The following HCK variants were observed in gnomAD, a reference collection of about 807,000 sequenced individuals.
The protein encoded by HCK is HCK proto-oncogene, Src family tyrosine kinase.
Under a neutral mutation model 70.4 loss-of-function variants are expected in HCK, and 40 were observed. The observed-to-expected ratio is 0.57, with a 90% CI of 0.44 to 0.74. The LOEUF is 0.74. Among genes scored for constraint, HCK ranks in the 30% least tolerant of loss-of-function variants. The probability of loss-of-function intolerance (pLI) is 0.00; values close to 1 mark genes in which losing one functional copy is unlikely to be tolerated. For synonymous variants in HCK, 245 were observed against 263.2 expected (o/e 0.93, Z 0.67); for missense variants, 568 against 697.2 (o/e 0.81, Z 2.09).
At chr20:32,073,236 T>C in intron 2 of HCK, 83 bp from the exon 3 acceptor site, 1 of 1,160,324 alleles carries the variant, frequency 8.6e-7, no homozygotes, top group Non-Finnish European at 1.3e-6. Context: ...AAGATGCTCT[T>C]GGGTGTCCTT....
At chr20:32,087,687 G>A (rs1431658727) in intron 9 of HCK, among the ~76,000 whole-genome samples, 2 of 151,868 alleles carry the variant, frequency 1.3e-5, no homozygotes, top group Non-Finnish European at 2.9e-5. Flanking sequence ...TGTTTCCCAG[G>A]CTGGAGTGCA....
chr20:32,087,110 G>A (rs1905666265), intron 9 of HCK, among the ~76,000 whole-genome samples: 1 of 152,178 alleles, frequency 6.6e-6, no homozygotes, highest in South Asian at 2.1e-4. Context: ...AGCCTTAGAG[G>A]CCAGGGTGTG....
At chr20:32,082,057 G>T (rs2045715542) in intron 6 of HCK, among the ~76,000 whole-genome samples, 1 of 152,132 alleles carries the variant, frequency 6.6e-6, no homozygotes, top group African/African-American at 2.4e-5. Flanking sequence ...TGGCTGAGAG[G>T]GGCTCTGGAG....
At chr20:32,094,794 A>AAAGAAAGAGAGAGAAAGAG (rs1569010522) in intron 11 of HCK, among the ~76,000 whole-genome samples, 40 of 14,810 alleles carry the variant, frequency 2.7e-3, no homozygotes, top group African/African-American at 4.9e-3. Context: ...AAAGAGAAAG[A>AAAGAAAGAGAGAGAAAGAG]AAGAAAGAAA....
chr20:32,070,623 T>A (rs2045522622), intron 1 of HCK, among the ~76,000 whole-genome samples: 1 of 152,176 alleles, frequency 6.6e-6, no homozygotes, highest in East Asian at 1.9e-4. Flanking sequence ...GCCAGACCTG[T>A]TGTTCCCCAC....
intron 5 of HCK, among the ~76,000 whole-genome samples, 166 bp downstream of exon 5, chr20:32,074,887 A>C (rs947495233): frequency 6.6e-6 from 1 of 152,138 alleles, no homozygotes; most frequent in Admixed American, 6.6e-5. Context: ...CCTTCCAGTC[A>C]GGGAAGAGAG....
chr20:32,058,605 AACACACACACAC>A (rs60349531), intron 1 of HCK, among the ~76,000 whole-genome samples: 3 of 142,332 alleles, frequency 2.1e-5, no homozygotes, highest in Admixed American at 7.1e-5. Context: ...TTTATGTCAA[AACACACACACAC>A]ACACACACAC....
chr20:32,077,915 T>C (rs1242082481), intron 5 of HCK, among the ~76,000 whole-genome samples: 2 of 152,208 alleles, frequency 1.3e-5, no homozygotes, highest in African/African-American at 4.8e-5. Flanking sequence ...ACTTAAGTTG[T>C]TTCCAGTCAT....
rs1353898119 is a variant in HCK at position 32,086,743 on chromosome 20, G to A, written c.951G>A (p.Leu317=). 6 of 1,608,960 alleles carry A rather than the reference G, an allele frequency of 3.7e-6. No individual in the cohort carries two copies. The highest frequency in any genetic ancestry group is 4.5e-5 in the East Asian group (2 of 44,756). The change falls in exon 9 of 13, where the codon CTG becomes CTA. Residue 317 remains leucine (L), a synonymous_variant. Coordinates refer to ENST00000375852, the MANE Select transcript of HCK (RefSeq NM_002110.5). ...TGAAAACTCTGCAGCATGACAAGCT[G>A]GTCAAACTTCATGCGGTGGTCACCA...
chr20:32,084,726 T>C (rs1296240549), intron 8 of HCK, among the ~76,000 whole-genome samples, 183 bp downstream of exon 8: 1 of 152,212 alleles, frequency 6.6e-6, no homozygotes, highest in Non-Finnish European at 1.5e-5. Flanking sequence ...GTGCAAACAC[T>C]GATTTGCCTT....
intron 10 of HCK, among the ~76,000 whole-genome samples, chr20:32,090,564 C>G (rs929630448): frequency 2.0e-5 from 3 of 152,178 alleles, no homozygotes; most frequent in African/African-American, 7.2e-5. Flanking sequence ...CTCCCCCACC[C>G]CCATATAACC....
Position 32,091,948 on chromosome 20 carries a change from G to A in HCK, c.1093-1915G>A, listed in dbSNP as rs904836993. On this transcript the variant is annotated intron_variant, in intron 10 of 12. Transcript: ENST00000375852. ...TGCAGTAAGCTGTGATCCCACCACT[G>A]TACTCCGTGACAGAGCAAGGCCCTG... Among the ~76,000 whole-genome samples, 223 of 151,330 alleles carry A rather than the reference G, an allele frequency of 1.5e-3. 6 individuals carry two copies. Among genetic ancestry groups the A allele is most frequent in the Admixed American group, 0.015 (221 of 15,158 alleles).
intron 1 of HCK, among the ~76,000 whole-genome samples, chr20:32,062,270 G>A (rs2045391433): frequency 6.6e-6 from 1 of 152,024 alleles, no homozygotes; most frequent in East Asian, 1.9e-4. Flanking sequence ...TCACTTATTT[G>A]TAAGAGGCAG....
At chr20:32,058,413 T>G (rs1482060869) in intron 1 of HCK, among the ~76,000 whole-genome samples, 1 of 151,762 alleles carries the variant, frequency 6.6e-6, no homozygotes, top group Non-Finnish European at 1.5e-5. Context: ...GCGCCTGTAA[T>G]TTCAGCTACT....
chr20:32,077,986 A>G (rs1181642949), intron 5 of HCK, among the ~76,000 whole-genome samples: 3 of 151,924 alleles, frequency 2.0e-5, no homozygotes. Context: ...TCTATGGGAT[A>G]ACTTCCTAGG....
Position 32,088,594 on chromosome 20 carries a change from G to A in HCK, c.1042G>A (p.Asp348Asn). 1 of 1,613,960 alleles carries A rather than the reference G, an allele frequency of 6.2e-7. No homozygotes were observed. The highest frequency in any genetic ancestry group is 8.5e-7 in the Non-Finnish European group (1 of 1,179,990). The change falls in exon 10 of 13, where the codon GAT (aspartate) becomes AAT (asparagine). Residue 348 changes from aspartate to asparagine, a missense_variant. By Grantham distance (23) the Asp-to-Asn change is conservative. Around this residue, in one of 4 missense-constraint regions of HCK, gnomAD observed 160 missense variants for 237.5 expected, o/e 0.67. Coordinates refer to ENST00000375852, the MANE Select transcript of HCK (RefSeq NM_002110.5). ...AAGCTTGCTGGACTTTCTGAAAAGT[G>A]ATGAGGGCAGCAAGCAGCCATTGCC...
Position 32,056,212 on chromosome 20 carries a change from T to C in HCK, c.62+3726T>C, listed in dbSNP as rs566395193. 6.0e-4 allele frequency among the ~76,000 whole-genome samples: 92 copies of C among 152,302 alleles called. 1 individual carries two copies. The South Asian group carries it at 0.018, about 30-fold the overall frequency. ...TACCTGAAGTAGAGTTACTGGGTCA[T>C]ATAAAAGTTCTATCTCTGTGGCCGG... On this transcript the variant is annotated intron_variant, in intron 1 of 12. Transcript: ENST00000375852.
chr20:32,094,745 GAAAGAAAGAAAGAAA>G (rs2045916389), intron 11 of HCK, among the ~76,000 whole-genome samples: 1 of 129,078 alleles, frequency 7.7e-6, no homozygotes, highest in Admixed American at 8.0e-5. Context: ...AAGAAAGAAA[GAAAGAAAGAAAGAAA>G]GAAGGAAAGA....
At chr20:32,074,761 G>A (rs1290169971) in intron 5 of HCK, 40 bp downstream of exon 5, 1 of 1,436,022 alleles carries the variant, frequency 7.0e-7, no homozygotes, top group Non-Finnish European at 9.8e-7. Context: ...AGAGGCATGA[G>A]CAAAGCCAGC....
Sources: gnomAD v4.1 joint callset for allele counts (sites outside exome capture counted in the v4.1 genomes callset) on GRCh38, gnomAD v4.1.1 for gene constraint, gnomAD v4.1.1 regional missense constraint, MANE v1.5 for transcripts, NCBI Gene and HGNC (gene_info 2026-07-23, HGNC 2026-07-21) for gene names.